KLRG2: variants seen among roughly 807,000 people sequenced by gnomAD.
KLRG2 encodes killer cell lectin-like receptor subfamily G member 2.
A neutral mutation model predicts 35.4 loss-of-function variants in KLRG2; 39 were observed. The ratio of observed to expected loss-of-function variants is 1.10; its 90% confidence interval spans 0.85 to 1.44. The LOEUF (loss-of-function observed/expected upper bound fraction) is 1.44, where lower values mean the gene tolerates loss of function less well. Among genes scored for constraint, KLRG2 ranks in the 40% most tolerant of loss-of-function variants. KLRG2 has a pLI of 0.00. For missense variants in KLRG2, 632 were observed against 570.9 expected (o/e 1.11, Z -1.09); for synonymous variants, 283 against 265.8 (o/e 1.06, Z -0.63).
At chr7:139,482,467 A>G (rs1402385979) in intron 1 of KLRG2, among the ~76,000 whole-genome samples, 2 of 151,480 alleles carry the variant, frequency 1.3e-5, no homozygotes, top group Non-Finnish European at 2.9e-5. Flanking sequence ...ATCTCGGCCC[A>G]CTGCAACCTC....
chr7:139,465,560 C>A (rs368153752), intron 3 of KLRG2, among the ~76,000 whole-genome samples: 2 of 151,892 alleles, frequency 1.3e-5, no homozygotes, highest in Non-Finnish European at 2.9e-5. Flanking sequence ...GGCATGGTGG[C>A]GGGTGCCTGT....
the KLRG2 span, among the ~76,000 whole-genome samples, chr7:139,437,704 T>A: frequency 6.6e-6 from 1 of 152,176 alleles, no homozygotes; most frequent in African/African-American, 2.4e-5. Context: ...GTGATCCACC[T>A]GCCTCAGCCT....
the KLRG2 span, among the ~76,000 whole-genome samples, chr7:139,437,007 G>A: frequency 6.6e-6 from 1 of 152,178 alleles, no homozygotes; most frequent in African/African-American, 2.4e-5. Context: ...AGGTGAGGCC[G>A]GAGCTTGACA....
chr7:139,450,535 A>G (rs922090347), downstream of KLRG2, among the ~76,000 whole-genome samples: 1 of 152,152 alleles, frequency 6.6e-6, no homozygotes, highest in African/African-American at 2.4e-5. Context: ...ATTAACAATT[A>G]TCTTGATGAA....
At chr7:139,445,781 G>GTGTATATATATATATATA in the KLRG2 span, among the ~76,000 whole-genome samples, 1,622 of 98,144 alleles carry the variant, frequency 0.017, 92 homozygotes, top group South Asian at 0.04. Flanking sequence ...ATATATATAT[G>GTGTATATATATATATATA]TATATATATA....
chr7:139,447,971 G>A (rs1206839982), downstream of KLRG2, among the ~76,000 whole-genome samples: 1 of 151,996 alleles, frequency 6.6e-6, no homozygotes. Context: ...TGGACTTCGT[G>A]GAAAAACAAT....
At chr7:139,431,055 A>G in the KLRG2 span, among the ~76,000 whole-genome samples, 3 of 151,956 alleles carry the variant, frequency 2.0e-5, no homozygotes, top group Non-Finnish European at 4.4e-5. Flanking sequence ...ACATCTCTAT[A>G]AAGGAAGGGA....
intron 3 of KLRG2, among the ~76,000 whole-genome samples, chr7:139,461,991 T>C (rs1005381737): frequency 3.9e-5 from 6 of 152,350 alleles, no homozygotes; most frequent in Non-Finnish European, 7.3e-5. Flanking sequence ...TTAAATTGGA[T>C]AAGCGGCCTC....
chr7:139,459,449 C>T (rs1008724692), intron 3 of KLRG2, among the ~76,000 whole-genome samples: 2 of 152,204 alleles, frequency 1.3e-5, no homozygotes, highest in Non-Finnish European at 2.9e-5. Context: ...CTAGAGACCA[C>T]CTTTGGTCCC....
chr7:139,455,600 C>T (rs906464478), intron 3 of KLRG2, among the ~76,000 whole-genome samples: 5 of 148,222 alleles, frequency 3.4e-5, no homozygotes, highest in South Asian at 2.2e-4. Flanking sequence ...GGATTACAGG[C>T]GTGAGCCACC....
chr7:139,480,378 C>T (rs1156419267), intron 1 of KLRG2, 131 bp from the exon 2 acceptor site: 6 of 573,992 alleles, frequency 1.0e-5, no homozygotes, highest in Admixed American at 5.9e-5. Context: ...GCCTGGGATG[C>T]CAACATAAAC....
At chr7:139,479,906 G>T (rs1796925512) in intron 2 of KLRG2, 134 bp from the exon 3 acceptor site, 1 of 1,043,322 alleles carries the variant, frequency 9.6e-7, no homozygotes, top group Non-Finnish European at 1.4e-6. Flanking sequence ...AGCTTTTATA[G>T]TCTGTGCAGT....
chr7:139,430,825 A>C, the KLRG2 span, among the ~76,000 whole-genome samples: 1 of 152,068 alleles, frequency 6.6e-6, no homozygotes, highest in South Asian at 2.1e-4. Context: ...CCTGGCCAAC[A>C]TGGTGAAACC....
In KLRG2 at chr7:139,483,306, C is replaced by T. The variant is rs1186300638; in HGVS notation, c.337G>A (p.Glu113Lys). Residue 113 changes from glutamate (E) to lysine (K), a missense_variant, in exon 1 of 5, where the codon GAG (glutamate) becomes AAG (lysine). By Grantham distance (56) the Glu-to-Lys change is moderately conservative. Coordinates refer to ENST00000340940, the MANE Select transcript of KLRG2 (RefSeq NM_198508.4). ...LPRNGEAPGA[E>K]PAPSAWAPME... ...GGCGCCCAGGCGCTGGGCGCAGGCT[C>T]AGCCCCGGGCGCCTCGCCATTCCGG... The T allele has an allele frequency of 1.3e-6, 2 of 1,552,484 alleles. No homozygotes were observed. Among genetic ancestry groups the T allele is most frequent in the Non-Finnish European group, 8.6e-7 (1 of 1,160,894 alleles).
the KLRG2 span, among the ~76,000 whole-genome samples, chr7:139,439,716 C>T: frequency 6.6e-6 from 1 of 152,142 alleles, no homozygotes; most frequent in African/African-American, 2.4e-5. Flanking sequence ...TGGACCCCTG[C>T]CTCAGCACAG....
chr7:139,479,480 G>T, intron 3 of KLRG2, 147 bp downstream of exon 3: 1 of 796,420 alleles, frequency 1.3e-6, no homozygotes, highest in Non-Finnish European at 2.0e-6. Flanking sequence ...GTTAGAGGCT[G>T]CACGAAGTTA....
chr7:139,431,013 GAAAAA>G, the KLRG2 span, among the ~76,000 whole-genome samples: 3 of 92,614 alleles, frequency 3.2e-5, no homozygotes, highest in Admixed American at 1.3e-4. Flanking sequence ...CCCTGTCTCA[GAAAAA>G]AAAAAAAAAA....
At chr7:139,449,693 C>CTTTT (rs547906496), downstream of KLRG2, among the ~76,000 whole-genome samples, 131 of 101,570 alleles carry the variant, frequency 1.3e-3, 1 homozygote, top group Non-Finnish European at 1.9e-3. Flanking sequence ...TATCCTTATT[C>CTTTT]TTTTTTTTTT....
At chr7:139,447,957 C>A (rs952762865), downstream of KLRG2, among the ~76,000 whole-genome samples, 1 of 152,126 alleles carries the variant, frequency 6.6e-6, no homozygotes, top group East Asian at 1.9e-4. Context: ...TCTACGAGTG[C>A]TAATGGACTT....
Sources: allele counts gnomAD v4.1 joint callset (sites outside exome capture counted in the v4.1 genomes callset), GRCh38; gene constraint gnomAD v4.1.1; transcripts MANE v1.5; gene names NCBI Gene and HGNC (gene_info 2026-07-23, HGNC 2026-07-21).